SYK: variants seen among roughly 807,000 people sequenced by gnomAD.
The protein encoded by SYK is tyrosine-protein kinase SYK.
In SYK, 16 loss-of-function variants were observed where a neutral mutation model predicts 77.8. That is an observed-to-expected ratio of 0.21 (90% CI 0.14 to 0.31). SYK has a LOEUF of 0.31. SYK is among the 10% of genes least tolerant of loss of function. The probability of loss-of-function intolerance (pLI) is 1.00; values close to 1 mark genes in which losing one functional copy is unlikely to be tolerated. For synonymous variants in SYK, 312 were observed against 308.7 expected (o/e 1.01, Z -0.11); for missense variants, 529 against 814.4 (o/e 0.65, Z 4.26).
chr9:90,895,891 T>C lies in SYK; in HGVS notation c.*291T>C, dbSNP rs1686284962. 1 of 410,034 alleles carries C rather than the reference T, an allele frequency of 2.4e-6. No homozygotes were observed. Among genetic ancestry groups the C allele is most frequent in the South Asian group, 3.1e-5 (1 of 32,328 alleles). 25.4% of individuals were successfully genotyped at this position (410,034 alleles called of 1,614,324 possible). A position where few individuals can be genotyped will look rare whatever the true frequency, so the allele number is the denominator to read the frequency against. ...GTTATTTTTACGATCTGTTTCCAAA[T>C]CCCTTTCATGTCTTTCCACTTCTCT... On this transcript the variant is annotated 3_prime_UTR_variant, in exon 14 of 14. Coordinates refer to ENST00000375754, the MANE Select transcript of SYK (RefSeq NM_003177.7). The surrounding 1 kb of genome is among the most constrained non-coding windows in gnomAD (Gnocchi z 4.4).
intron 11 of SYK, among the ~76,000 whole-genome samples, chr9:90,881,685 A>AT (rs1422702210): frequency 6.6e-6 from 1 of 151,318 alleles, no homozygotes; most frequent in Admixed American, 6.6e-5. Context: ...GTCTCAAAAA[A>AT]AAAAAGGAAT....
rs1485117956 is a variant in SYK at position 90,844,192 on chromosome 9, C to T, written c.294C>T (p.Gly98=). ...LCHYHSQESD[G]LVCLLKKPFN... Reference sequence around the variant, plus strand: ...ACTACCACTCCCAGGAGTCTGATGGCCTGGTCTGCCTCCTCAAGAAGCCCT... The same window carrying T: ...ACTACCACTCCCAGGAGTCTGATGGTCTGGTCTGCCTCCTCAAGAAGCCCT... Residue 98 remains glycine (G), a synonymous_variant, in exon 2 of 14, where the codon GGC becomes GGT. Transcript: ENST00000375754. The T allele has an allele frequency of 6.2e-7, 1 of 1,614,246 alleles. No individual in the cohort carries two copies.
chr9:90,822,716 G>C (rs1041957740), intron 1 of SYK, among the ~76,000 whole-genome samples: 17 of 152,124 alleles, frequency 1.1e-4, no homozygotes, highest in Non-Finnish European at 2.9e-5. Flanking sequence ...CTCACTCAGA[G>C]GCTATCAGAC....
At chr9:90,855,037 C>CAT (rs1554710225) in intron 3 of SYK, among the ~76,000 whole-genome samples, 2 of 151,360 alleles carry the variant, frequency 1.3e-5, no homozygotes, top group Non-Finnish European at 2.9e-5. Context: ...CACACACACA[C>CAT]ACTTGAGAAC....
At chr9:90,823,086 C>T (rs1054643276) in intron 1 of SYK, among the ~76,000 whole-genome samples, 1 of 152,116 alleles carries the variant, frequency 6.6e-6, no homozygotes, top group Non-Finnish European at 1.5e-5. Context: ...AAGGGAATTC[C>T]TCAAGTTCCA....
At chr9:90,877,861 T>C in intron 10 of SYK, 81 bp downstream of exon 10, 1 of 1,496,256 alleles carries the variant, frequency 6.7e-7, no homozygotes, top group South Asian at 1.2e-5. Flanking sequence ...AGCAGCCTGA[T>C]TTCCTTGGGA....
chr9:90,888,182 C>G (rs944956433), intron 12 of SYK, among the ~76,000 whole-genome samples: 1 of 152,166 alleles, frequency 6.6e-6, no homozygotes, highest in South Asian at 2.1e-4. Context: ...ATCTTAATTA[C>G]ATTTTTTAGA....
intron 3 of SYK, among the ~76,000 whole-genome samples, chr9:90,854,401 G>C (rs1317104534): frequency 6.6e-6 from 1 of 152,146 alleles, no homozygotes; most frequent in Non-Finnish European, 1.5e-5. Context: ...TCAGCGATCT[G>C]AGAGGCATGC....
chr9:90,858,839 C>G lies in SYK; in HGVS notation c.579-3367C>G, dbSNP rs377606336. On this transcript the variant is annotated intron_variant, in intron 3 of 13. Coordinates refer to ENST00000375754, the MANE Select transcript of SYK (RefSeq NM_003177.7). ...CACCTGCCACAGGGGGCTGCCCAGG[C>G]CACATGTCCATGGTCACTACCTATA... Among the ~76,000 whole-genome samples the G allele has an allele frequency of 6.6e-5, 10 of 152,200 alleles. No individual in the cohort carries two copies. In the East Asian group the frequency reaches 1.9e-3, roughly 29 times the overall value.
At chr9:90,887,539 G>T (rs1213576518) in intron 11 of SYK, among the ~76,000 whole-genome samples, 5 of 151,202 alleles carry the variant, frequency 3.3e-5, no homozygotes, top group Non-Finnish European at 5.9e-5. Context: ...CCAAGTAGCT[G>T]GAATTACAGG....
chr9:90,856,009 A>G (rs555802583), intron 3 of SYK, among the ~76,000 whole-genome samples: 1 of 152,356 alleles, frequency 6.6e-6, no homozygotes, highest in East Asian at 1.9e-4. Flanking sequence ...AAAATGCCCA[A>G]ATACTGTATT....
chr9:90,877,474 G>A, intron 9 of SYK, 97 bp from the exon 10 acceptor site: 1 of 1,369,256 alleles, frequency 7.3e-7, no homozygotes, highest in Non-Finnish European at 1.0e-6. Context: ...TATTTCCGTG[G>A]GACTGTTTCC....
intron 1 of SYK, among the ~76,000 whole-genome samples, chr9:90,840,064 T>C (rs530865742): frequency 1.8e-4 from 28 of 152,020 alleles, no homozygotes; most frequent in Admixed American, 7.9e-4. Flanking sequence ...AAGGACAGGG[T>C]TACGCCAAGC....
At chr9:90,855,048 C>G (rs1228062742) in intron 3 of SYK, among the ~76,000 whole-genome samples, 1 of 105,974 alleles carries the variant, frequency 9.4e-6, no homozygotes, top group Non-Finnish European at 2.1e-5. Flanking sequence ...ACTTGAGAAC[C>G]GCGGCTGCAT....
At position 90,874,862 on chromosome 9, in the gene SYK, G is replaced by A. The variant is rs199647713; in HGVS notation, c.1181+13G>A. 1.2e-6 allele frequency: 2 copies of A among 1,613,482 alleles called. No individual in the cohort carries two copies. Among genetic ancestry groups the A allele is most frequent in the African/African-American group, 2.7e-5 (2 of 74,874 alleles). ...ACCAAATGAAAAAGTAAGTTGCTAT[G>A]TTCCACCAGCCTCACCCTCACATGA... is the stretch of plus-strand genomic sequence containing the variant. On this transcript the variant is annotated intron_variant, in intron 9 of 13. Transcript: ENST00000375754.
Position 90,897,025 on chromosome 9 carries a change from AAAAC to A in SYK, c.*1437_*1440del, listed in dbSNP as rs1024419605. ...TTGGGCATCACAGCGAGACTCTGTC[AAAAC>A]AAACAAACAAAAAAACAACTTAAAG... On this transcript the variant is annotated 3_prime_UTR_variant, in exon 14 of 14. Transcript: ENST00000375754. 18 of 210,506 alleles carry A rather than the reference AAAAC, an allele frequency of 8.6e-5. No homozygotes were observed. The highest frequency in any genetic ancestry group is 3.5e-4 in the Admixed American group (6 of 17,026). The allele number at this position is 210,506 out of a possible 1,614,324, so 13.0% of individuals were successfully genotyped here.
chr9:90,865,941 C>A (rs1295089405), intron 6 of SYK, among the ~76,000 whole-genome samples: 1 of 114,436 alleles, frequency 8.7e-6, no homozygotes, highest in Non-Finnish European at 1.6e-5. Flanking sequence ...CTCTGTTGCC[C>A]AGGCTGGAGT....
At chr9:90,865,689 T>C (rs909302517) in intron 6 of SYK, among the ~76,000 whole-genome samples, 2 of 152,092 alleles carry the variant, frequency 1.3e-5, no homozygotes, top group African/African-American at 4.8e-5. Context: ...TGAAACCCAA[T>C]ATTAAATCAG....
intron 1 of SYK, among the ~76,000 whole-genome samples, chr9:90,828,269 TG>T (rs1825747328): frequency 1.4e-5 from 1 of 72,906 alleles, no homozygotes; most frequent in African/African-American, 5.2e-5. Context: ...CCTTCACAGC[TG>T]AGTAGGAAAG....
Sources: gnomAD v4.1 joint callset for allele counts (sites outside exome capture counted in the v4.1 genomes callset) on GRCh38, gnomAD v4.1.1 for gene constraint, Gnocchi (gnomAD v3.1) non-coding constraint, MANE v1.5 for transcripts, NCBI Gene and HGNC (gene_info 2026-07-23, HGNC 2026-07-21) for gene names.